The following ARHGAP44 variants were observed in gnomAD, a reference collection of about 807,000 sequenced individuals.
ARHGAP44 encodes Rho GTPase activating protein 44.
ARHGAP44 carries 43 observed loss-of-function variants against 106.8 expected under a neutral mutation model. The ratio of observed to expected loss-of-function variants is 0.40; its 90% CI spans 0.32 to 0.52. The LOEUF (loss-of-function observed/expected upper bound fraction) is 0.52, where lower values mean the gene tolerates loss of function less well. Among genes scored for constraint, ARHGAP44 ranks in the 20% least tolerant of loss-of-function variants. The pLI, the probability that ARHGAP44 is intolerant of heterozygous loss-of-function variation, is 0.48. For missense variants in ARHGAP44, 866 were observed against 1,050.5 expected (o/e 0.82, Z 2.43); for synonymous variants, 439 against 410.3 (o/e 1.07, Z -0.85).
intron 1 of ARHGAP44, among the ~76,000 whole-genome samples, chr17:12,845,530 A>G (rs35632992): frequency 6.6e-6 from 1 of 151,444 alleles, no homozygotes; most frequent in East Asian, 2.0e-4. Context: ...AAACAAAAAA[A>G]CAACTCTTTC....
At chr17:12,945,528 A>G (rs1255941360) in intron 10 of ARHGAP44, among the ~76,000 whole-genome samples, 2 of 152,186 alleles carry the variant, frequency 1.3e-5, no homozygotes, top group Non-Finnish European at 2.9e-5. Flanking sequence ...ATTGCCGGAG[A>G]TGAATCTAGC....
chr17:12,919,020 G>A (rs1319989587), intron 5 of ARHGAP44, among the ~76,000 whole-genome samples: 1 of 152,204 alleles, frequency 6.6e-6, no homozygotes, highest in Non-Finnish European at 1.5e-5. Context: ...AGGGTACAAA[G>A]TCTCCCTTAA....
intron 17 of ARHGAP44, 144 bp from the exon 18 acceptor site, chr17:12,973,945 C>G (rs565150701): frequency 1.2e-6 from 1 of 859,932 alleles, no homozygotes; most frequent in African/African-American, 1.7e-5. Context: ...AGCACAGCCC[C>G]CAATGCATCG....
intron 6 of ARHGAP44, among the ~76,000 whole-genome samples, chr17:12,928,165 C>G (rs2038300021): frequency 6.6e-6 from 1 of 152,156 alleles, no homozygotes; most frequent in Admixed American, 6.5e-5. Flanking sequence ...AGAAAACATT[C>G]ATGAGGAATC....
rs1423806668 is a variant in ARHGAP44, at chr17:12,974,306, A to C, written c.1759A>C (p.Thr587Pro). ...GLGLQPGPER[T>P]STTKSKELSP... ...GGGCCTCCAGCCTGGGCCCGAGCGCACCAGGTAAGCGCGGGCCACTGCCGT... is the reference window on the plus strand; with the variant it reads ...GGGCCTCCAGCCTGGGCCCGAGCGCCCCAGGTAAGCGCGGGCCACTGCCGT... Residue 587 changes from threonine (T) to proline (P), a missense_variant, in exon 18 of 21, where the codon ACC (threonine) becomes CCC (proline). Thr to Pro is a conservative substitution (Grantham distance 38, BLOSUM62 -1). Transcript: ENST00000379672. 1.4e-6 allele frequency: 2 copies of C among 1,423,492 alleles called. No homozygotes were observed. Among genetic ancestry groups the C allele is most frequent in the East Asian group, 2.9e-5 (1 of 34,968 alleles). The allele number at this position is 1,423,492 out of a possible 1,614,324, so 88.2% of individuals were successfully genotyped here. A position where few individuals can be genotyped will look rare whatever the true frequency, so the allele number is the denominator to read the frequency against.
chr17:12,920,219 C>CA (rs1294184930), intron 6 of ARHGAP44, among the ~76,000 whole-genome samples: 2 of 151,194 alleles, frequency 1.3e-5, no homozygotes, highest in Non-Finnish European at 2.9e-5. Context: ...ACTAAAAATA[C>CA]AAAAAAATTA....
intron 1 of ARHGAP44, among the ~76,000 whole-genome samples, chr17:12,888,986 G>C (rs565477277): frequency 5.5e-4 from 84 of 152,248 alleles, no homozygotes; most frequent in Middle Eastern, 3.4e-3. Context: ...TATTTGAAAT[G>C]AGATTCTTGT....
intron 1 of ARHGAP44, among the ~76,000 whole-genome samples, chr17:12,832,669 G>C (rs2035123766): frequency 6.6e-6 from 1 of 152,228 alleles, no homozygotes; most frequent in South Asian, 2.1e-4. Context: ...ATGAACAAGA[G>C]TCAACTTGGA....
rs142254409 is a variant in ARHGAP44, at chr17:12,866,893, C to T, written c.54-28047C>T. Among the ~76,000 whole-genome samples the T allele has an allele frequency of 3.8e-3, 579 of 152,220 alleles. 3 individuals carry two copies. Among genetic ancestry groups the T allele is most frequent in the African/African-American group, 0.012 (514 of 41,520 alleles). On this transcript the variant is annotated intron_variant, in intron 1 of 20. Coordinates refer to ENST00000379672, the MANE Select transcript of ARHGAP44 (RefSeq NM_014859.6). ...AAACTTCCCCAAGAGAGGGGATTTA[C>T]GGCAGCCTTTACTTCTCAGGAGTTT...
chr17:12,987,262 A>G, intron 20 of ARHGAP44: 1 of 955,278 alleles, frequency 1.0e-6, no homozygotes. Flanking sequence ...TTTGCATGGC[A>G]GCTTCACTCT....
intron 1 of ARHGAP44, among the ~76,000 whole-genome samples, chr17:12,841,765 A>G (rs955597578): frequency 7.2e-5 from 11 of 152,164 alleles, no homozygotes; most frequent in Non-Finnish European, 1.2e-4. Flanking sequence ...CAATTTCTTC[A>G]TTGTTAAAAT....
intron 1 of ARHGAP44, among the ~76,000 whole-genome samples, chr17:12,892,874 C>T (rs1203542547): frequency 6.7e-6 from 1 of 149,692 alleles, no homozygotes; most frequent in Non-Finnish European, 1.5e-5. Context: ...TATTTTCTTT[C>T]TGAGACTTCC....
At chr17:12,920,725 T>A (rs2038058827) in intron 6 of ARHGAP44, among the ~76,000 whole-genome samples, 1 of 152,224 alleles carries the variant, frequency 6.6e-6, no homozygotes, top group Non-Finnish European at 1.5e-5. Context: ...ACTCACCTTT[T>A]CCTGAAGCTG....
At chr17:12,868,616 T>TATATATAA (rs2150878193) in intron 1 of ARHGAP44, among the ~76,000 whole-genome samples, 1 of 142,372 alleles carries the variant, frequency 7.0e-6, no homozygotes, top group East Asian at 2.0e-4. Context: ...TATATATATA[T>TATATATAA]ATATATATAT....
chr17:12,951,731 T>C (rs1175086605), intron 12 of ARHGAP44, among the ~76,000 whole-genome samples: 1 of 152,178 alleles, frequency 6.6e-6, no homozygotes, highest in Admixed American at 6.5e-5. Context: ...TAAGATCACT[T>C]CATCTAAACC....
chr17:12,952,734 T>G (rs1448282824), intron 13 of ARHGAP44, among the ~76,000 whole-genome samples, 153 bp downstream of exon 13: 5 of 63,930 alleles, frequency 7.8e-5, no homozygotes, highest in African/African-American at 2.0e-4. Flanking sequence ...TTTTTTTTTT[T>G]TTTTTTTTTT....
chr17:12,939,691 C>T (rs1414867841), intron 7 of ARHGAP44, among the ~76,000 whole-genome samples: 4 of 152,208 alleles, frequency 2.6e-5, no homozygotes, highest in South Asian at 2.1e-4. Flanking sequence ...TGGTCTCGAT[C>T]TCCTGACCTC....
chr17:12,790,241 C>A, intron 1 of ARHGAP44: 1 of 274,210 alleles, frequency 3.6e-6, no homozygotes, highest in South Asian at 5.7e-5. Flanking sequence ...GGTGTTTGCT[C>A]TGATTGTGCT....
chr17:12,867,144 C>T (rs2036258623), intron 1 of ARHGAP44, among the ~76,000 whole-genome samples: 2 of 151,136 alleles, frequency 1.3e-5, no homozygotes, highest in African/African-American at 2.4e-5. Context: ...ACCTGTCACT[C>T]ACAAGGAAAC....
Sources: allele counts gnomAD v4.1 joint callset (sites outside exome capture counted in the v4.1 genomes callset), GRCh38; gene constraint gnomAD v4.1.1; transcripts MANE v1.5; gene names NCBI Gene and HGNC (gene_info 2026-07-23, HGNC 2026-07-21).